The following RABIF variants were observed in gnomAD, a reference collection of about 807,000 sequenced individuals.
RABIF encodes guanine nucleotide exchange factor MSS4.
A neutral mutation model predicts 12.3 loss-of-function variants in RABIF; 13 were observed. That is an observed-to-expected ratio of 1.06 (90% CI 0.69 to 1.68). The LOEUF is 1.68. Ranked by LOEUF, RABIF falls within the 40% of genes most tolerant of loss-of-function variation. The pLI is 0.00. For synonymous variants in RABIF, 70 were observed against 63.3 expected (o/e 1.11, Z -0.50); for missense variants, 153 against 158.0 (o/e 0.97, Z 0.17).
rs1220249686 is a variant in RABIF, at chr1:202,889,120, C to T, written c.-22G>A. 1.0e-5 allele frequency: 16 copies of T among 1,596,706 alleles called. No individual in the cohort carries two copies. The highest frequency in any genetic ancestry group is 1.1e-5 in the South Asian group (1 of 89,108). On this transcript the variant is annotated 5_prime_UTR_variant, in exon 1 of 2. Transcript: ENST00000367262. Reference sequence around the variant, plus strand: ...CCATCGCCGCTGCCGCCACAGGCTCCTCAGCCACGGCTGCGCAGACGCTGT... The same window carrying T: ...CCATCGCCGCTGCCGCCACAGGCTCTTCAGCCACGGCTGCGCAGACGCTGT...
chr1:202,884,317 G>C (rs1311115837), intron 1 of RABIF, among the ~76,000 whole-genome samples: 1 of 152,180 alleles, frequency 6.6e-6, no homozygotes, highest in Non-Finnish European at 1.5e-5. Flanking sequence ...CTACAATACA[G>C]AGTACACTTC....
chr1:202,883,981 G>A (rs917712521), intron 1 of RABIF, among the ~76,000 whole-genome samples: 4 of 152,106 alleles, frequency 2.6e-5, no homozygotes, highest in East Asian at 1.9e-4. Context: ...TACAACATCC[G>A]GAATGTAATG....
intron 1 of RABIF, among the ~76,000 whole-genome samples, chr1:202,885,705 A>G (rs994780662): frequency 1.3e-5 from 2 of 152,262 alleles, no homozygotes; most frequent in Non-Finnish European, 2.9e-5. Flanking sequence ...GGAAAGGACT[A>G]ATAAATAACT....
intron 1 of RABIF, among the ~76,000 whole-genome samples, chr1:202,888,391 G>A (rs965256278): frequency 6.6e-6 from 1 of 152,210 alleles, no homozygotes; most frequent in African/African-American, 2.4e-5. Flanking sequence ...CAGGCTTCCA[G>A]TGCCTCGGTA....
rs1659472629 is a variant in RABIF, at chr1:202,880,529, T to C, written c.*449A>G. On this transcript the variant is annotated 3_prime_UTR_variant, in exon 2 of 2. Coordinates refer to ENST00000367262, the MANE Select transcript of RABIF (RefSeq NM_002871.5). ...TCACAAGGGTAGCCATACAACAAAG[T>C]CACTCTCAGATATTTGTATGCCTTC... 1 of 232,688 alleles carries C rather than the reference T, an allele frequency of 4.3e-6. No individual in the cohort carries two copies. The highest frequency in any genetic ancestry group is 1.5e-4 in the South Asian group (1 of 6,498). The allele number at this position is 232,688 out of a possible 1,614,324, so 14.4% of individuals were successfully genotyped here. A position where few individuals can be genotyped will look rare whatever the true frequency, so the allele number is the denominator to read the frequency against.
chr1:202,882,182 C>G (rs1427959789), intron 1 of RABIF, among the ~76,000 whole-genome samples: 1 of 152,060 alleles, frequency 6.6e-6, no homozygotes, highest in Non-Finnish European at 1.5e-5. Flanking sequence ...GAGTTCAAGA[C>G]CAGCCTAGGC....
chr1:202,888,228 A>C (rs184886410), intron 1 of RABIF, among the ~76,000 whole-genome samples: 141 of 152,302 alleles, frequency 9.3e-4, no homozygotes, highest in African/African-American at 3.2e-3. Context: ...TACCGAAATA[A>C]ATTTTTTTTT....
chr1:202,882,172 G>A (rs1436445097), intron 1 of RABIF, among the ~76,000 whole-genome samples: 1 of 152,104 alleles, frequency 6.6e-6, no homozygotes, highest in Non-Finnish European at 1.5e-5. Flanking sequence ...CTGAGCTCAG[G>A]AGTTCAAGAC....
At chr1:202,885,100 A>G (rs1418369255) in intron 1 of RABIF, among the ~76,000 whole-genome samples, 1 of 33,090 alleles carries the variant, frequency 3.0e-5, no homozygotes, top group African/African-American at 7.4e-5. Flanking sequence ...AAAAAAAAAA[A>G]AAAAAAAAAA....
At chr1:202,882,204 A>AC (rs981739476) in intron 1 of RABIF, among the ~76,000 whole-genome samples, 6 of 151,906 alleles carry the variant, frequency 3.9e-5, no homozygotes, top group South Asian at 2.1e-4. Flanking sequence ...ACATAGTGAG[A>AC]CCCCCATCTC....
intron 1 of RABIF, among the ~76,000 whole-genome samples, chr1:202,883,350 T>C (rs1187687252): frequency 6.6e-6 from 1 of 152,160 alleles, no homozygotes; most frequent in Non-Finnish European, 1.5e-5. Flanking sequence ...GTCATTCTTT[T>C]TGCCTCATGT....
intron 1 of RABIF, among the ~76,000 whole-genome samples, chr1:202,886,692 T>C (rs1008160032): frequency 6.6e-6 from 1 of 151,872 alleles, no homozygotes; most frequent in African/African-American, 2.4e-5. Flanking sequence ...AGCCCAGGAG[T>C]TGGAGACCAG....
intron 1 of RABIF, among the ~76,000 whole-genome samples, chr1:202,888,015 GAC>G (rs1178785260): frequency 6.6e-6 from 1 of 152,194 alleles, no homozygotes; most frequent in Non-Finnish European, 1.5e-5. Flanking sequence ...CAAAACAACA[GAC>G]ACAGATTCCC....
At chr1:202,886,569 A>G (rs1659565323) in intron 1 of RABIF, among the ~76,000 whole-genome samples, 1 of 151,998 alleles carries the variant, frequency 6.6e-6, no homozygotes, top group East Asian at 1.9e-4. Flanking sequence ...TCGGCGACAG[A>G]GGGAGACTCC....
At chr1:202,888,293 G>A (rs1250702651) in intron 1 of RABIF, among the ~76,000 whole-genome samples, 3 of 151,636 alleles carry the variant, frequency 2.0e-5, no homozygotes, top group Non-Finnish European at 2.9e-5. Flanking sequence ...TCCCTAAACT[G>A]AAGGGAAAAA....
chr1:202,881,333 A>G, intron 1 of RABIF, 110 bp from the exon 2 acceptor site: 1 of 1,427,244 alleles, frequency 7.0e-7, no homozygotes, highest in Middle Eastern at 2.5e-4. Context: ...TGACAAAAAA[A>G]GAGAAGCCCT....
Position 202,888,983 on chromosome 1 carries a change from G to C in RABIF, c.116C>G (p.Ser39Cys), listed in dbSNP as rs759770694. 6.4e-6 allele frequency: 10 copies of C among 1,572,562 alleles called. No homozygotes were observed. The African/African-American group carries it at 9.5e-5, about 15-fold the overall frequency. Residue 39 changes from serine (S) to cysteine (C), a missense_variant, in exon 1 of 2, where the codon TCT (serine) becomes TGT (cysteine). Physicochemically the swap from Ser to Cys is moderately radical, Grantham distance 112. This residue lies in a region of RABIF where 113 missense variants were observed against 90.9 expected (regional missense o/e 1.24). Transcript: ENST00000367262. Reference protein sequence around the residue: ...RVLQPGTALFSRRQLFLPSMR... With the variant: ...RVLQPGTALFCRRQLFLPSMR... ...AACCTGCCTCCCTACCTGTCGGCGA[G>C]AGAAGAGAGCGGTCCCTGGCTGCAG... is the stretch of plus-strand genomic sequence containing the variant.
chr1:202,885,499 G>C (rs1417140742), intron 1 of RABIF, among the ~76,000 whole-genome samples: 2 of 152,236 alleles, frequency 1.3e-5, no homozygotes, highest in Non-Finnish European at 2.9e-5. Context: ...GCAGAGATGA[G>C]TAACAGCCCT....
chr1:202,888,915 T>C, intron 1 of RABIF, 58 bp downstream of exon 1: 1 of 1,461,996 alleles, frequency 6.8e-7, no homozygotes, highest in African/African-American at 1.4e-5. Context: ...AGATTCTGAC[T>C]GCGGCGGCTC....
Sources: gnomAD v4.1 joint callset for allele counts (sites outside exome capture counted in the v4.1 genomes callset) on GRCh38, gnomAD v4.1.1 for gene constraint, gnomAD v4.1.1 regional missense constraint, MANE v1.5 for transcripts, NCBI Gene and HGNC (gene_info 2026-07-23, HGNC 2026-07-21) for gene names.